ITPRID1: variants seen among roughly 807,000 people sequenced by gnomAD.
ITPRID1 encodes protein ITPRID1.
Under a neutral mutation model 95.4 loss-of-function variants are expected in ITPRID1, and 96 were observed. The ratio of observed to expected loss-of-function variants is 1.01; its 90% confidence interval spans 0.85 to 1.19. The LOEUF is 1.19. ITPRID1 is among the 50% of genes most tolerant of loss of function. The pLI, the probability that ITPRID1 is intolerant of heterozygous loss-of-function variation, is 0.00. For missense variants in ITPRID1, 1,339 were observed against 1,252.9 expected (o/e 1.07, Z -1.04); for synonymous variants, 510 against 453.6 (o/e 1.12, Z -1.58).
chr7:31,583,157 T>C lies in ITPRID1; in HGVS notation c.1194T>C (p.Thr398=). The C allele has an allele frequency of 1.2e-6, 2 of 1,611,998 alleles. No homozygotes were observed. Among genetic ancestry groups the C allele is most frequent in the Non-Finnish European group, 1.7e-6 (2 of 1,178,364 alleles). Residue 398 remains threonine (T), a synonymous_variant, in exon 10 of 15, where the codon ACT becomes ACC. Transcript: ENST00000615280. The part of the protein sequence containing the change: ...MEEVQSFEEE[T]GNPLDMTSGT... ...AGGTCCAAAGCTTTGAAGAAGAGAC[T>C]GGTAATCCTCTTGACATGACTTCAG...
chr7:31,602,111 G>A (rs1308627540), intron 10 of ITPRID1, among the ~76,000 whole-genome samples: 1 of 151,974 alleles, frequency 6.6e-6, no homozygotes, highest in East Asian at 1.9e-4. Flanking sequence ...AAACAGCCCC[G>A]AACGACTTAC....
intron 1 of ITPRID1, among the ~76,000 whole-genome samples, chr7:31,543,969 C>G (rs895770731): frequency 6.6e-6 from 1 of 151,932 alleles, no homozygotes. Flanking sequence ...CATGTGATGT[C>G]CAACTTTTCT....
At chr7:31,560,397 G>A (rs1784585400) in intron 5 of ITPRID1, among the ~76,000 whole-genome samples, 1 of 152,154 alleles carries the variant, frequency 6.6e-6, no homozygotes, top group African/African-American at 2.4e-5. Flanking sequence ...GTATTATCTT[G>A]GTTCTTTTTA....
At chr7:31,538,325 T>C (rs182345292) in intron 1 of ITPRID1, among the ~76,000 whole-genome samples, 1 of 152,338 alleles carries the variant, frequency 6.6e-6, no homozygotes, top group Non-Finnish European at 1.5e-5. Flanking sequence ...TAATGCTCTT[T>C]TTCCCCTAAA....
At chr7:31,647,022 T>A (rs1790525253) in intron 12 of ITPRID1, among the ~76,000 whole-genome samples, 1 of 152,228 alleles carries the variant, frequency 6.6e-6, no homozygotes, top group Non-Finnish European at 1.5e-5. Context: ...AGAAAACAAT[T>A]CAAACATACA....
At chr7:31,608,223 G>A (rs941193041) in intron 10 of ITPRID1, among the ~76,000 whole-genome samples, 1 of 151,850 alleles carries the variant, frequency 6.6e-6, no homozygotes, top group Non-Finnish European at 1.5e-5. Flanking sequence ...TAATTTATAT[G>A]TCTGTCTGTA....
chr7:31,548,274 G>C (rs1784165273), intron 1 of ITPRID1, among the ~76,000 whole-genome samples: 1 of 152,086 alleles, frequency 6.6e-6, no homozygotes, highest in Non-Finnish European at 1.5e-5. Flanking sequence ...CTTCCAGAAA[G>C]ATGACAGAAA....
chr7:31,632,833 G>C (rs1052793316), intron 10 of ITPRID1, among the ~76,000 whole-genome samples: 2 of 152,080 alleles, frequency 1.3e-5, no homozygotes, highest in Non-Finnish European at 2.9e-5. Flanking sequence ...TGCCCTGTGA[G>C]AGCTGATTTA....
intron 1 of ITPRID1, among the ~76,000 whole-genome samples, chr7:31,536,663 A>T (rs1226508569): frequency 6.6e-6 from 1 of 152,182 alleles, no homozygotes; most frequent in Non-Finnish European, 1.5e-5. Context: ...CACTGAATCA[A>T]TCTAGTCTGT....
chr7:31,650,453 C>T (rs1790847118), intron 12 of ITPRID1, among the ~76,000 whole-genome samples: 1 of 152,144 alleles, frequency 6.6e-6, no homozygotes, highest in Non-Finnish European at 1.5e-5. Context: ...GGCAAAGGCA[C>T]AGCCTGAGAG....
intron 10 of ITPRID1, among the ~76,000 whole-genome samples, chr7:31,588,456 C>T (rs1213663522): frequency 6.6e-6 from 1 of 151,432 alleles, no homozygotes; most frequent in African/African-American, 2.4e-5. Flanking sequence ...TACGGTGAAA[C>T]TCTGTCTCTA....
rs567866074 is a variant in ITPRID1, at chr7:31,633,014, G to A, written c.1229-9162G>A. The stretch of plus-strand genomic sequence containing the variant: ...TGATTCTCCTGCCTCAGCCTCCCGA[G>A]TAACTGGGATTACAGGTGGGCACCA... On this transcript the variant is annotated intron_variant, in intron 10 of 14. Coordinates refer to ENST00000615280, the MANE Select transcript of ITPRID1 (RefSeq NM_001257967.3). 2.0e-5 allele frequency among the ~76,000 whole-genome samples: 3 copies of A among 152,112 alleles called. No homozygotes were observed. The East Asian group carries it at 5.8e-4, about 29-fold the overall frequency.
intron 10 of ITPRID1, among the ~76,000 whole-genome samples, chr7:31,622,933 A>G (rs1276478097): frequency 6.6e-6 from 1 of 152,190 alleles, no homozygotes; most frequent in African/African-American, 2.4e-5. Flanking sequence ...TATCACCACC[A>G]ATCCCACAGA....
At chr7:31,520,515 TTGTGTG>T (rs57709822) in intron 1 of ITPRID1, among the ~76,000 whole-genome samples, 3,057 of 135,522 alleles carry the variant, frequency 0.023, 50 homozygotes, top group Non-Finnish European at 0.029. Context: ...TACCACATCA[TTGTGTG>T]TGTGTGTGTG....
Position 31,569,791 on chromosome 7 carries a change from C to A in ITPRID1, c.290C>A (p.Thr97Asn). The A allele has an allele frequency of 6.3e-7, 1 of 1,586,550 alleles. No homozygotes were observed. Among genetic ancestry groups the A allele is most frequent in the African/African-American group, 1.3e-5 (1 of 74,746 alleles). ...TATGAACAAGGGATGGTTCAAATGA[C>A]TGTGAAAGACTACATGAGGTAGGTA... The part of the protein sequence containing the change: ...SLYEQGMVQM[T>N]VKDYMRSLHQ... Residue 97 changes from threonine to asparagine, a missense_variant, in exon 6 of 15, where the codon ACT becomes AAT. Thr to Asn is a moderately conservative substitution (Grantham distance 65). Transcript: ENST00000615280.
chr7:31,568,536 G>A (rs987611086), intron 5 of ITPRID1, among the ~76,000 whole-genome samples: 4 of 152,096 alleles, frequency 2.6e-5, no homozygotes, highest in Admixed American at 1.3e-4. Context: ...ACAAGTAAGC[G>A]GAAATAAGAA....
At chr7:31,569,547 C>T (rs1483281099) in intron 5 of ITPRID1, among the ~76,000 whole-genome samples, 2 of 152,228 alleles carry the variant, frequency 1.3e-5, no homozygotes, top group Non-Finnish European at 2.9e-5. Context: ...ACTTCCCTCT[C>T]CATTGAGCCA....
At chr7:31,569,899 T>A in intron 6 of ITPRID1, 90 bp downstream of exon 6, 1 of 1,040,626 alleles carries the variant, frequency 9.6e-7, no homozygotes, top group Non-Finnish European at 1.4e-6. Flanking sequence ...TTTCTTAATA[T>A]TGCCATAGCT....
At chr7:31,575,456 A>G (rs113006647) in intron 8 of ITPRID1, among the ~76,000 whole-genome samples, 2 of 152,350 alleles carry the variant, frequency 1.3e-5, no homozygotes, top group African/African-American at 4.8e-5. Context: ...CTAGGACATT[A>G]CTAAGCATGT....
Sources: gnomAD v4.1 joint callset for allele counts (sites outside exome capture counted in the v4.1 genomes callset) on GRCh38, gnomAD v4.1.1 for gene constraint, MANE v1.5 for transcripts, NCBI Gene and HGNC (gene_info 2026-07-23, HGNC 2026-07-21) for gene names.